Variants in LRP1B observed in about 807,000 individuals in gnomAD.
LRP1B encodes low-density lipoprotein receptor-related protein 1B.
LRP1B carries 217 observed loss-of-function variants against 556.6 expected under a neutral mutation model. The ratio of observed to expected loss-of-function variants is 0.39; its 90% CI spans 0.35 to 0.44. The LOEUF (loss-of-function observed/expected upper bound fraction) is 0.44, where lower values mean the gene tolerates loss of function less well. Among genes scored for constraint, LRP1B ranks in the 20% least tolerant of loss-of-function variants. The probability of loss-of-function intolerance (pLI) is 1.00; values close to 1 mark genes in which losing one functional copy is unlikely to be tolerated. For synonymous variants in LRP1B, 2,047 were observed against 1,865.8 expected (o/e 1.10, Z -2.50); for missense variants, 5,053 against 5,620.8 (o/e 0.90, Z 3.23).
intron 27 of LRP1B, among the ~76,000 whole-genome samples, chr2:140,852,171 C>T (rs1460339283): frequency 6.6e-6 from 1 of 152,012 alleles, no homozygotes; most frequent in Non-Finnish European, 1.5e-5. Flanking sequence ...ACTAAAAATA[C>T]AAAAAATTTG....
chr2:140,790,461 TTAAG>T (rs1304126753), intron 32 of LRP1B, among the ~76,000 whole-genome samples: 2 of 152,188 alleles, frequency 1.3e-5, no homozygotes. Flanking sequence ...TTTTATATCC[TTAAG>T]TAAGTGTGAC....
chr2:141,530,713 G>A (rs751897904), intron 2 of LRP1B, among the ~76,000 whole-genome samples: 4 of 152,052 alleles, frequency 2.6e-5, no homozygotes, highest in Non-Finnish European at 5.9e-5. Flanking sequence ...TGCCTTAGGA[G>A]ATCATCTGAA....
chr2:141,365,696 GGGCTGGAGTGCAGTGGCCCA>G (rs1386425460), intron 3 of LRP1B, among the ~76,000 whole-genome samples: 1 of 121,778 alleles, frequency 8.2e-6, no homozygotes, highest in Admixed American at 8.2e-5. Context: ...TCTGTTGCCC[GGGCTGGAGTGCAGTGGCCCA>G]GGCTGGAGTG....
At chr2:141,604,526 T>C (rs1415510465) in intron 2 of LRP1B, among the ~76,000 whole-genome samples, 1 of 152,196 alleles carries the variant, frequency 6.6e-6, no homozygotes, top group Non-Finnish European at 1.5e-5. Flanking sequence ...ATCCATGGAC[T>C]GGCTTAAGAA....
chr2:141,077,265 AAAACAAAC>A (rs146798676), intron 7 of LRP1B, among the ~76,000 whole-genome samples: 9 of 151,436 alleles, frequency 5.9e-5, no homozygotes, highest in Non-Finnish European at 1.0e-4. Context: ...AACAAAAACA[AAAACAAAC>A]AAACAAACAA....
intron 3 of LRP1B, among the ~76,000 whole-genome samples, chr2:141,471,293 T>TA (rs1559089565): frequency 4.2e-4 from 34 of 80,178 alleles, no homozygotes; most frequent in African/African-American, 1.4e-3. Flanking sequence ...TTTTTTTTTT[T>TA]TACTCTCTTG....
In LRP1B at chr2:140,841,008, A is replaced by G; in HGVS notation, c.5024T>C (p.Ile1675Thr). 1 of 1,613,684 alleles carries G rather than the reference A, an allele frequency of 6.2e-7. No individual in the cohort carries two copies. The highest frequency in any genetic ancestry group is 8.5e-7 in the Non-Finnish European group (1 of 1,179,742). The change falls in exon 30 of 91, where the codon ATT becomes ACT. Residue 1675 changes from isoleucine (I) to threonine (T), a missense_variant. This residue lies in a region of LRP1B where 3,619 missense variants were observed against 3,931.9 expected (regional missense o/e 0.92). Coordinates refer to ENST00000389484, the MANE Select transcript of LRP1B (RefSeq NM_018557.3). ...AGAGCCATCTAGCCTTGCCACATTA[A>G]TTTGCGTTTCATCAAATTCTGAGCT... ...WISSEFDETQ[I>T]NVARLDGSLK...
intron 25 of LRP1B, among the ~76,000 whole-genome samples, chr2:140,877,028 C>G (rs535719142): frequency 6.6e-6 from 1 of 152,022 alleles, no homozygotes; most frequent in Non-Finnish European, 1.5e-5. Context: ...TTCTTGGTTA[C>G]AAGTGGGCAA....
At chr2:141,050,565 TCAACTC>T (rs1478460387) in intron 10 of LRP1B, among the ~76,000 whole-genome samples, 1 of 152,078 alleles carries the variant, frequency 6.6e-6, no homozygotes, top group African/African-American at 2.4e-5. Context: ...TTCACATTGT[TCAACTC>T]CAACTTATGA....
intron 47 of LRP1B, among the ~76,000 whole-genome samples, chr2:140,532,160 C>T (rs1690723357): frequency 6.6e-6 from 1 of 152,066 alleles, no homozygotes; most frequent in Non-Finnish European, 1.5e-5. Flanking sequence ...TCCTTATTGT[C>T]TTATCCCCAT....
chr2:140,587,166 C>T (rs1056707961), intron 43 of LRP1B, among the ~76,000 whole-genome samples: 6 of 151,888 alleles, frequency 4.0e-5, no homozygotes, highest in Non-Finnish European at 7.4e-5. Context: ...GTCACAACAA[C>T]AAAGAAAAAG....
intron 3 of LRP1B, among the ~76,000 whole-genome samples, chr2:141,421,821 C>T (rs367920993): frequency 6.6e-6 from 1 of 152,146 alleles, no homozygotes; most frequent in African/African-American, 2.4e-5. Context: ...TATCTCTGAA[C>T]GTACCAATGA....
At chr2:140,392,211 G>GT (rs141434054) in intron 66 of LRP1B, among the ~76,000 whole-genome samples, 1,849 of 150,906 alleles carry the variant, frequency 0.012, 39 homozygotes, top group African/African-American at 0.043. Flanking sequence ...CAAAGTTTTT[G>GT]TTTTTCTTTT....
At chr2:140,255,431 T>C (rs17385654) in intron 86 of LRP1B, among the ~76,000 whole-genome samples, 3,133 of 152,342 alleles carry the variant, frequency 0.021, 40 homozygotes, top group African/African-American at 0.029. Context: ...CTTTACATAT[T>C]TGATCACTGT....
chr2:141,291,020 T>C (rs1685924031), intron 3 of LRP1B, among the ~76,000 whole-genome samples: 1 of 152,068 alleles, frequency 6.6e-6, no homozygotes, highest in Non-Finnish European at 1.5e-5. Context: ...CTCTCATTTC[T>C]AAGGGAAAAA....
intron 1 of LRP1B, among the ~76,000 whole-genome samples, chr2:141,834,829 G>A (rs943416376): frequency 1.8e-4 from 28 of 151,914 alleles, no homozygotes; most frequent in African/African-American, 6.8e-4. Context: ...GTGAACTCAA[G>A]AAGCAATGTA....
intron 1 of LRP1B, among the ~76,000 whole-genome samples, chr2:141,943,550 A>G (rs1237127107): frequency 6.6e-6 from 1 of 152,170 alleles, no homozygotes; most frequent in Non-Finnish European, 1.5e-5. Flanking sequence ...CATTAGCCAA[A>G]TGATACTCTG....
rs1698585690 is a variant in LRP1B at position 141,038,005 on chromosome 2, A to AT, written c.1789+10980dup. ...GTATAATGGGACTAGTTCAAATAAGATTTTTTAAATCTCCTTACCTCTCTT... is the reference window on the plus strand; with the variant it reads ...GTATAATGGGACTAGTTCAAATAAGATTTTTTTAAATCTCCTTACCTCTCTT... On this transcript the variant is annotated intron_variant, in intron 11 of 90. Transcript: ENST00000389484. Among the ~76,000 whole-genome samples the AT allele has an allele frequency of 5.9e-5, 9 of 151,902 alleles. No homozygotes were observed. The South Asian group carries it at 1.5e-3, about 25-fold the overall frequency.
intron 2 of LRP1B, among the ~76,000 whole-genome samples, chr2:141,612,099 C>T (rs1331350937): frequency 6.6e-6 from 1 of 152,190 alleles, no homozygotes; most frequent in Non-Finnish European, 1.5e-5. Flanking sequence ...AAACAACAAA[C>T]CTTGTAATAT....
Sources: gnomAD v4.1 joint callset for allele counts (sites outside exome capture counted in the v4.1 genomes callset) on GRCh38, gnomAD v4.1.1 for gene constraint, gnomAD v4.1.1 regional missense constraint, MANE v1.5 for transcripts, NCBI Gene and HGNC (gene_info 2026-07-23, HGNC 2026-07-21) for gene names.